Variants in FERRY3 observed in about 807,000 individuals in gnomAD.
FERRY3 encodes the protein protein C12orf4.
At chr12:4,509,599 C>G in the FERRY3 span, among the ~76,000 whole-genome samples, 2 of 137,522 alleles carry the variant, frequency 1.5e-5, no homozygotes, top group Admixed American at 7.0e-5. Context: ...CCCTGACCCC[C>G]GAGCAGCCTA....
chr12:4,513,858 C>G, the FERRY3 span, among the ~76,000 whole-genome samples: 2 of 151,954 alleles, frequency 1.3e-5, no homozygotes, highest in Non-Finnish European at 2.9e-5. Context: ...TCCAAAACAC[C>G]AAAAGCAATG....
chr12:4,517,669 G>A, the FERRY3 span, among the ~76,000 whole-genome samples: 1 of 146,746 alleles, frequency 6.8e-6, no homozygotes, highest in African/African-American at 2.5e-5. Context: ...GCAAATTTAA[G>A]AGGTAGGTTA....
the FERRY3 span, among the ~76,000 whole-genome samples, chr12:4,495,375 C>A: frequency 6.6e-6 from 1 of 152,100 alleles, no homozygotes; most frequent in African/African-American, 2.4e-5. Flanking sequence ...TTTAATGAAG[C>A]ACTCATTTTT....
At chr12:4,498,337 GA>G in the FERRY3 span, among the ~76,000 whole-genome samples, 2 of 152,108 alleles carry the variant, frequency 1.3e-5, no homozygotes, top group Admixed American at 1.3e-4. Flanking sequence ...ACTCCCCAAA[GA>G]CCCTTTTATA....
chr12:4,496,000 C>T, the FERRY3 span, among the ~76,000 whole-genome samples: 1 of 152,192 alleles, frequency 6.6e-6, no homozygotes, highest in African/African-American at 2.4e-5. Flanking sequence ...TATACTTTAA[C>T]TTAATGCCAC....
chr12:4,534,382 A>G, the FERRY3 span: 8 of 1,417,940 alleles, frequency 5.6e-6, no homozygotes, highest in South Asian at 1.4e-5. Context: ...GAGAATTCCA[A>G]TGTGAAATCT....
the FERRY3 span, among the ~76,000 whole-genome samples, chr12:4,498,174 A>C: frequency 6.6e-6 from 1 of 152,214 alleles, no homozygotes; most frequent in Non-Finnish European, 1.5e-5. Context: ...GATGTCTGGA[A>C]GAAAATCTGA....
At chr12:4,530,989 C>A in the FERRY3 span, among the ~76,000 whole-genome samples, 1 of 151,814 alleles carries the variant, frequency 6.6e-6, no homozygotes, top group African/African-American at 2.4e-5. Flanking sequence ...AAACTAAATT[C>A]TTCCCTTTTC....
chr12:4,516,024 A>C, the FERRY3 span, among the ~76,000 whole-genome samples: 3 of 152,200 alleles, frequency 2.0e-5, no homozygotes, highest in Admixed American at 6.6e-5. Context: ...AATATAGAAA[A>C]AGCAGTCATT....
chr12:4,501,911 A>G, the FERRY3 span, among the ~76,000 whole-genome samples: 5 of 152,086 alleles, frequency 3.3e-5, no homozygotes, highest in African/African-American at 1.2e-4. Context: ...GAAGGCCAAG[A>G]TGACTTGGAC....
chr12:4,490,484 G>A, the FERRY3 span: 5 of 1,476,598 alleles, frequency 3.4e-6, no homozygotes, highest in Non-Finnish European at 4.6e-6. Flanking sequence ...TCTAATAAAA[G>A]AGATTAAATT....
At chr12:4,509,579 G>T in the FERRY3 span, among the ~76,000 whole-genome samples, 1 of 147,860 alleles carries the variant, frequency 6.8e-6, no homozygotes, top group Non-Finnish European at 1.5e-5. Context: ...TCCTCAAGTG[G>T]GTCCCTGACC....
chr12:4,489,822 C>A, the FERRY3 span: 1 of 1,605,170 alleles, frequency 6.2e-7, no homozygotes, highest in South Asian at 1.1e-5. Context: ...GCTTGGATGT[C>A]AGAGTGAGTG....
the FERRY3 span, among the ~76,000 whole-genome samples, chr12:4,497,007 C>T: frequency 2.6e-5 from 4 of 151,984 alleles, no homozygotes; most frequent in Admixed American, 6.6e-5. Flanking sequence ...ATAAATATAC[C>T]CTGAGACCTA....
chr12:4,497,775 A>C, the FERRY3 span, among the ~76,000 whole-genome samples: 2 of 152,164 alleles, frequency 1.3e-5, no homozygotes, highest in Admixed American at 6.5e-5. Context: ...TTTAAACTGC[A>C]ATTAATTTCT....
At chr12:4,494,735 C>A in the FERRY3 span, among the ~76,000 whole-genome samples, 2 of 152,208 alleles carry the variant, frequency 1.3e-5, no homozygotes, top group Non-Finnish European at 2.9e-5. Flanking sequence ...AACTTCATAG[C>A]AGGTTCTGAA....
the FERRY3 span, chr12:4,508,863 T>A: frequency 6.6e-6 from 1 of 152,192 alleles, no homozygotes; most frequent in African/African-American, 2.4e-5. Context: ...AAAAAATATT[T>A]GAAATGACTA....
chr12:4,525,432 A>C, the FERRY3 span: 1 of 1,600,858 alleles, frequency 6.2e-7, no homozygotes. Context: ...AACAAACAAA[A>C]AAACAAAAGA....
the FERRY3 span, among the ~76,000 whole-genome samples, chr12:4,514,993 G>A: frequency 1.3e-5 from 2 of 152,208 alleles, no homozygotes; most frequent in South Asian, 4.1e-4. Context: ...TGACGAGTTA[G>A]TGGGTGCAGC....
Sources: allele counts gnomAD v4.1 joint callset (sites outside exome capture counted in the v4.1 genomes callset), GRCh38; gene constraint gnomAD v4.1.1; transcripts MANE v1.5; gene names NCBI Gene and HGNC (gene_info 2026-07-23, HGNC 2026-07-21).